PAQR3: variants seen among roughly 807,000 people sequenced by gnomAD.
The protein encoded by PAQR3 is Raf kinase trapping to Golgi.
In PAQR3, 39 loss-of-function variants were observed where a neutral mutation model predicts 41.7. The ratio of observed to expected loss-of-function variants is 0.93; its 90% CI spans 0.72 to 1.22. The LOEUF (loss-of-function observed/expected upper bound fraction) is 1.22. PAQR3 is among the 50% of genes most tolerant of loss of function. PAQR3 has a pLI of 0.00. For synonymous variants in PAQR3, 140 were observed against 140.6 expected, an observed-to-expected ratio of 1.00 and a Z score of 0.03; for missense variants, 366 against 385.6, an observed-to-expected ratio of 0.95 and a Z score of 0.42.
At chr4:78,925,475 A>AT (rs1736101711) in intron 4 of PAQR3, among the ~76,000 whole-genome samples, 1 of 152,174 alleles carries the variant, frequency 6.6e-6, no homozygotes, top group South Asian at 2.1e-4. Context: ...TTATGAAGAC[A>AT]TCATCACCCT....
At chr4:78,905,265 T>C (rs1456519773) in intron 11 of PAQR3, among the ~76,000 whole-genome samples, 2 of 151,964 alleles carry the variant, frequency 1.3e-5, no homozygotes, top group African/African-American at 4.8e-5. Context: ...GTGTCAGTAA[T>C]TAACATGCAA....
chr4:78,902,796 T>A (rs1351948786), intron 11 of PAQR3, among the ~76,000 whole-genome samples: 1 of 152,112 alleles, frequency 6.6e-6, no homozygotes. Flanking sequence ...ATATGCATAG[T>A]ATGATGCAAA....
At chr4:78,888,861 G>GA (rs1425209880) in intron 11 of PAQR3, among the ~76,000 whole-genome samples, 2 of 152,064 alleles carry the variant, frequency 1.3e-5, no homozygotes, top group Non-Finnish European at 2.9e-5. Flanking sequence ...TGAATGTGCA[G>GA]AAAAAAATCA....
Position 78,939,377 on chromosome 4 carries a change from G to A in PAQR3, c.-153C>T, listed in dbSNP as rs1211406841. 4 of 531,844 alleles carry A rather than the reference G, an allele frequency of 7.5e-6. No homozygotes were observed. Among genetic ancestry groups the A allele is most frequent in the East Asian group, 4.6e-5 (1 of 21,846 alleles). The allele number at this position is 531,844 out of a possible 1,614,324, so 32.9% of individuals were successfully genotyped here. A position where few individuals can be genotyped will look rare whatever the true frequency, so the allele number is the denominator to read the frequency against. On this transcript the variant is annotated 5_prime_UTR_variant, in exon 1 of 6. Transcript: ENST00000512733. The stretch of plus-strand genomic sequence containing the variant: ...CCGCTGCTGCCCAGGGCCCGGCTCT[G>A]CGCTCACACCGGCCACTGCCGCCAG...
At chr4:78,937,123 C>T (rs946380397) in intron 1 of PAQR3, among the ~76,000 whole-genome samples, 1 of 152,198 alleles carries the variant, frequency 6.6e-6, no homozygotes, top group Non-Finnish European at 1.5e-5. Flanking sequence ...CCAAGCACGG[C>T]CAACCCTTAG....
chr4:78,893,735 T>C (rs999571550), intron 11 of PAQR3, among the ~76,000 whole-genome samples: 2 of 152,172 alleles, frequency 1.3e-5, no homozygotes, highest in African/African-American at 4.8e-5. Context: ...CGAAATTCTT[T>C]AAAGTTTTCC....
chr4:78,917,974 ATT>A lies in PAQR3; in HGVS notation c.*2563_*2564del. On this transcript the variant is annotated 3_prime_UTR_variant, in exon 6 of 6. Coordinates refer to ENST00000512733, the MANE Select transcript of PAQR3 (RefSeq NM_001040202.2). ...AACCCAGTTTATTTACATAATACAT[ATT>A]TTGTCATGCAGCTTACTGAATTGCA... is the stretch of plus-strand genomic sequence containing the variant. The A allele has an allele frequency of 3.0e-6, 3 of 984,150 alleles. No homozygotes were observed. The highest frequency in any genetic ancestry group is 3.6e-6 in the Non-Finnish European group (3 of 828,420). 61.0% of individuals were successfully genotyped at this position (984,150 alleles called of 1,614,324 possible). A position where few individuals can be genotyped will look rare whatever the true frequency, so the allele number is the denominator to read the frequency against.
At chr4:78,895,438 T>C (rs1339264408) in intron 11 of PAQR3, among the ~76,000 whole-genome samples, 1 of 152,124 alleles carries the variant, frequency 6.6e-6, no homozygotes, top group African/African-American at 2.4e-5. Context: ...TTTCAAAAAG[T>C]GTTTTGATTA....
Position 78,926,674 on chromosome 4 carries a change from C to T in PAQR3, c.549G>A (p.Leu183=). The T allele has an allele frequency of 6.2e-7, 1 of 1,613,998 alleles. No homozygotes were observed. Among genetic ancestry groups the T allele is most frequent in the Non-Finnish European group, 8.5e-7 (1 of 1,179,940 alleles). Residue 183 remains leucine (L), a synonymous_variant, in exon 4 of 6, where the codon CTG becomes CTA. Transcript: ENST00000512733. The part of the protein sequence containing the change: ...VYLITVLAMI[L]AVFFAQIHPN... ...GATGAATCTGCGCAAAGAACACTGC[C>T]AGGATCATAGCAAGCACTGTGATCA...
intron 2 of PAQR3, 101 bp from the exon 3 acceptor site, chr4:78,930,426 A>G (rs1736737990): frequency 4.9e-6 from 6 of 1,214,720 alleles, no homozygotes; most frequent in East Asian, 4.9e-5. Flanking sequence ...TTTCAATTCA[A>G]ACATTTATGG....
At chr4:78,935,888 G>A (rs1033318875) in intron 1 of PAQR3, among the ~76,000 whole-genome samples, 8 of 152,214 alleles carry the variant, frequency 5.3e-5, no homozygotes, top group Non-Finnish European at 7.4e-5. Flanking sequence ...CAACTTTGCC[G>A]TGGATGTTTT....
chr4:78,897,243 A>C (rs1178349055), intron 11 of PAQR3, among the ~76,000 whole-genome samples: 1 of 152,094 alleles, frequency 6.6e-6, no homozygotes, highest in Non-Finnish European at 1.5e-5. Flanking sequence ...AAAATAACAT[A>C]ACATCTTGGG....
chr4:78,938,698 A>T (rs1737696423), intron 1 of PAQR3, among the ~76,000 whole-genome samples: 1 of 152,138 alleles, frequency 6.6e-6, no homozygotes, highest in African/African-American at 2.4e-5. Context: ...CTAAAAAGAA[A>T]GGTATACACC....
intron 11 of PAQR3, among the ~76,000 whole-genome samples, chr4:78,891,970 T>C (rs1733462576): frequency 6.6e-6 from 1 of 152,176 alleles, no homozygotes; most frequent in South Asian, 2.1e-4. Flanking sequence ...AACAACCTAG[T>C]TGACCATGAT....
downstream of PAQR3, chr4:78,910,839 T>A: frequency 6.2e-7 from 1 of 1,613,946 alleles, no homozygotes; most frequent in Non-Finnish European, 8.5e-7. Flanking sequence ...ATGAAGAAGT[T>A]CTTCAGGGGG....
At chr4:78,925,695 C>A (rs1211508930) in intron 4 of PAQR3, among the ~76,000 whole-genome samples, 1 of 152,098 alleles carries the variant, frequency 6.6e-6, no homozygotes, top group Non-Finnish European at 1.5e-5. Context: ...ACATTCTAGA[C>A]AAAGGTACCA....
Position 78,918,932 on chromosome 4 carries a change from T to G in PAQR3, c.*1607A>C. 1.0e-6 allele frequency: 1 copy of G among 985,048 alleles called. No individual in the cohort carries two copies. Among genetic ancestry groups the G allele is most frequent in the Non-Finnish European group, 1.2e-6 (1 of 829,718 alleles). The allele number at this position is 985,048 out of a possible 1,614,324, so 61.0% of individuals were successfully genotyped here. ...CTATCACTTAACATATGGATCAAAATTTTAACCTTATAAGGTAAAACAGCC... is the reference window on the plus strand; with the variant it reads ...CTATCACTTAACATATGGATCAAAAGTTTAACCTTATAAGGTAAAACAGCC... On this transcript the variant is annotated 3_prime_UTR_variant, in exon 6 of 6. Transcript: ENST00000512733.
At chr4:78,911,643 C>T, downstream of PAQR3, 1 of 1,613,948 alleles carries the variant, frequency 6.2e-7, no homozygotes, top group Non-Finnish European at 8.5e-7. Flanking sequence ...CTCAAAGTAG[C>T]AATGAATTTT....
intron 11 of PAQR3, among the ~76,000 whole-genome samples, chr4:78,902,145 A>G (rs892527887): frequency 2.6e-5 from 4 of 152,178 alleles, no homozygotes; most frequent in African/African-American, 4.8e-5. Context: ...GATATACTGA[A>G]TTCCACTGTA....
Sources: gnomAD v4.1 joint callset for allele counts (sites outside exome capture counted in the v4.1 genomes callset) on GRCh38, gnomAD v4.1.1 for gene constraint, MANE v1.5 for transcripts, NCBI Gene and HGNC (gene_info 2026-07-23, HGNC 2026-07-21) for gene names.